The following PTPRR variants were observed in gnomAD, a reference collection of about 807,000 sequenced individuals.
The protein encoded by PTPRR is receptor-type tyrosine-protein phosphatase R.
Under a neutral mutation model 77.2 loss-of-function variants are expected in PTPRR, and 38 were observed. That is an observed-to-expected ratio of 0.49 (90% CI 0.38 to 0.65). The LOEUF is 0.65. PTPRR is among the 30% of genes least tolerant of loss of function. PTPRR has a pLI of 0.00. For missense variants in PTPRR, 744 were observed against 799.2 expected, an observed-to-expected ratio of 0.93 and a Z score of 0.83; for synonymous variants, 299 against 283.1, an observed-to-expected ratio of 1.06 and a Z score of -0.57.
chr12:70,660,867 C>A, intron 12 of PTPRR, 73 bp downstream of exon 12: 8 of 1,413,866 alleles, frequency 5.7e-6, no homozygotes, highest in Admixed American at 2.6e-5. Flanking sequence ...GAAGCAAAAC[C>A]CACTTGCACC....
chr12:70,883,728 G>A (rs573602721), intron 2 of PTPRR, among the ~76,000 whole-genome samples: 11 of 152,098 alleles, frequency 7.2e-5, no homozygotes, highest in Non-Finnish European at 2.9e-5. Context: ...CCAGATCTGG[G>A]GTCTTATACC....
At chr12:70,830,671 A>G (rs145531589) in intron 2 of PTPRR, among the ~76,000 whole-genome samples, 3 of 152,254 alleles carry the variant, frequency 2.0e-5, no homozygotes, top group Non-Finnish European at 4.4e-5. Context: ...GCACCTCTGC[A>G]TCGGAAACAC....
intron 3 of PTPRR, among the ~76,000 whole-genome samples, chr12:70,762,249 GT>G (rs1233596089): frequency 6.6e-6 from 1 of 151,978 alleles, no homozygotes; most frequent in Non-Finnish European, 1.5e-5. Flanking sequence ...CTGAAATGGA[GT>G]CAGAGAATTT....
At chr12:70,824,983 T>C (rs1006427909) in intron 2 of PTPRR, among the ~76,000 whole-genome samples, 3 of 152,158 alleles carry the variant, frequency 2.0e-5, no homozygotes, top group Non-Finnish European at 4.4e-5. Flanking sequence ...TCAAGAAAGC[T>C]GAGTAGAAAT....
chr12:70,859,205 G>T (rs1892706622), intron 2 of PTPRR, among the ~76,000 whole-genome samples: 13 of 152,016 alleles, frequency 8.6e-5, no homozygotes, highest in Admixed American at 8.5e-4. Context: ...AAGAGAATAA[G>T]ATATAGAATC....
intron 1 of PTPRR, among the ~76,000 whole-genome samples, chr12:70,900,146 T>C (rs1170241061): frequency 1.3e-5 from 2 of 151,536 alleles, no homozygotes; most frequent in African/African-American, 4.8e-5. Flanking sequence ...TAGATGTAGA[T>C]ATGCTGATTC....
At chr12:70,674,295 T>C (rs1388055483) in intron 10 of PTPRR, among the ~76,000 whole-genome samples, 1 of 152,278 alleles carries the variant, frequency 6.6e-6, no homozygotes, top group East Asian at 1.9e-4. Context: ...TCCTTCCTTT[T>C]TTCTCTCCTG....
intron 8 of PTPRR, among the ~76,000 whole-genome samples, chr12:70,685,500 A>AAC (rs1380951178): frequency 7.4e-6 from 1 of 135,488 alleles, no homozygotes; most frequent in African/African-American, 2.6e-5. Flanking sequence ...AAAAAAAAAA[A>AAC]TTAGCCAGGC....
intron 1 of PTPRR, among the ~76,000 whole-genome samples, chr12:70,902,606 C>T (rs560653290): frequency 5.9e-5 from 9 of 151,862 alleles, no homozygotes; most frequent in South Asian, 4.2e-4. Flanking sequence ...GTATTGGAGA[C>T]GGTTATTCTA....
chr12:70,679,034 C>A (rs971530720), intron 10 of PTPRR, among the ~76,000 whole-genome samples: 3 of 152,152 alleles, frequency 2.0e-5, no homozygotes, highest in Non-Finnish European at 4.4e-5. Flanking sequence ...TCATCTTTCA[C>A]TTACATTTCA....
Position 70,684,037 on chromosome 12 carries a change from A to C in PTPRR, c.1497+90T>G, listed in dbSNP as rs751816633. 4.4e-4 allele frequency: 611 copies of C among 1,404,352 alleles called. No individual in the cohort carries two copies. The highest frequency in any genetic ancestry group is 5.7e-4 in the Non-Finnish European group (593 of 1,038,548). 87.0% of individuals were successfully genotyped at this position (1,404,352 alleles called of 1,614,324 possible). On this transcript the variant is annotated intron_variant, in intron 10 of 13. Transcript: ENST00000283228. ...TAAATGTCTCAGAGTTTCCATCTTA[A>C]ATCTAAGTCCATGGCAATTTTACTA...
At chr12:70,752,599 C>T (rs2136945487) in intron 5 of PTPRR, among the ~76,000 whole-genome samples, 1 of 152,340 alleles carries the variant, frequency 6.6e-6, no homozygotes, top group East Asian at 1.9e-4. Context: ...TACTCAAAGG[C>T]TGGGCATGAC....
chr12:70,756,645 A>G (rs921100466), intron 4 of PTPRR, among the ~76,000 whole-genome samples: 3 of 152,184 alleles, frequency 2.0e-5, no homozygotes, highest in African/African-American at 7.2e-5. Context: ...ACTTAGTTGC[A>G]GTGAAAGAAG....
chr12:70,714,361 T>G (rs1043349398), intron 6 of PTPRR, among the ~76,000 whole-genome samples: 1 of 152,156 alleles, frequency 6.6e-6, no homozygotes, highest in Non-Finnish European at 1.5e-5. Context: ...TCCCGCCTCC[T>G]GATTTTCTGG....
chr12:70,711,698 A>C (rs1045298980), intron 6 of PTPRR, among the ~76,000 whole-genome samples: 1 of 152,136 alleles, frequency 6.6e-6, no homozygotes, highest in African/African-American at 2.4e-5. Context: ...TATAAAGTTA[A>C]GTATTCACAA....
At chr12:70,813,080 ACT>A (rs1403981382) in intron 2 of PTPRR, among the ~76,000 whole-genome samples, 2 of 152,138 alleles carry the variant, frequency 1.3e-5, no homozygotes, top group Non-Finnish European at 2.9e-5. Context: ...CTTTATCCAA[ACT>A]CTCTCTTGTA....
chr12:70,651,969 G>A (rs1306078260), intron 13 of PTPRR, among the ~76,000 whole-genome samples: 2 of 151,690 alleles, frequency 1.3e-5, no homozygotes, highest in African/African-American at 2.4e-5. Flanking sequence ...AGTTAAATAA[G>A]TCATGTGCTT....
At chr12:70,715,861 T>C (rs985618034) in intron 6 of PTPRR, among the ~76,000 whole-genome samples, 11 of 152,158 alleles carry the variant, frequency 7.2e-5, no homozygotes, top group Non-Finnish European at 8.8e-5. Context: ...CATAGGGTCC[T>C]GAGGCGACAT....
intron 6 of PTPRR, among the ~76,000 whole-genome samples, chr12:70,719,083 A>C (rs756010405): frequency 6.6e-6 from 1 of 152,190 alleles, no homozygotes; most frequent in Non-Finnish European, 1.5e-5. Context: ...TCCACACCTA[A>C]CAAATTCCCA....
Sources: gnomAD v4.1 joint callset for allele counts (sites outside exome capture counted in the v4.1 genomes callset) on GRCh38, gnomAD v4.1.1 for gene constraint, MANE v1.5 for transcripts, NCBI Gene and HGNC (gene_info 2026-07-23, HGNC 2026-07-21) for gene names.